Variants in MNAT1 observed in about 807,000 individuals in gnomAD.
The protein encoded by MNAT1 is CDK-activating kinase assembly factor MAT1.
In MNAT1, 43 loss-of-function variants were observed where a neutral mutation model predicts 42.0. The ratio of observed to expected loss-of-function variants is 1.02; its 90% CI spans 0.80 to 1.32. The LOEUF (loss-of-function observed/expected upper bound fraction) is 1.32, where lower values mean the gene tolerates loss of function less well. Among genes scored for constraint, MNAT1 ranks in the 40% most tolerant of loss-of-function variants. The probability of loss-of-function intolerance (pLI) is 0.00; values close to 1 mark genes in which losing one functional copy is unlikely to be tolerated. For missense variants in MNAT1, 306 were observed against 350.4 expected, an observed-to-expected ratio of 0.87 and a Z score of 1.01; for synonymous variants, 118 against 120.0, an observed-to-expected ratio of 0.98 and a Z score of 0.11.
intron 5 of MNAT1, among the ~76,000 whole-genome samples, chr14:60,815,197 C>A (rs1231269314): frequency 6.6e-6 from 1 of 151,482 alleles, no homozygotes; most frequent in Non-Finnish European, 1.5e-5. Flanking sequence ...CTTTGCATAA[C>A]AATTATTCTT....
intron 1 of MNAT1, among the ~76,000 whole-genome samples, chr14:60,746,298 G>A (rs576568942): frequency 3.5e-4 from 53 of 152,128 alleles, no homozygotes; most frequent in African/African-American, 1.2e-3. Context: ...GGTAGATTAC[G>A]AGGTCAGGAG....
intron 6 of MNAT1, among the ~76,000 whole-genome samples, chr14:60,864,943 A>G (rs368421282): frequency 5.9e-5 from 9 of 152,010 alleles, no homozygotes; most frequent in African/African-American, 2.2e-4. Context: ...GAATGGCAAA[A>G]CAACTACTCC....
chr14:60,965,354 C>T (rs781684541), intron 7 of MNAT1, among the ~76,000 whole-genome samples: 9 of 152,186 alleles, frequency 5.9e-5, no homozygotes, highest in Non-Finnish European at 7.3e-5. Context: ...AGGAGTATGA[C>T]TGTTTATAAC....
chr14:60,773,179 T>G (rs1410029337), intron 1 of MNAT1, among the ~76,000 whole-genome samples: 1 of 152,116 alleles, frequency 6.6e-6, no homozygotes, highest in African/African-American at 2.4e-5. Flanking sequence ...CCTCGTGACC[T>G]GCCCGCCTTT....
chr14:60,839,731 G>A (rs759389874), intron 6 of MNAT1, among the ~76,000 whole-genome samples: 2 of 152,218 alleles, frequency 1.3e-5, no homozygotes, highest in Non-Finnish European at 2.9e-5. Flanking sequence ...TTGTCCAGAC[G>A]TGGGTGCCTG....
At chr14:60,807,390 C>CT (rs1455712964) in intron 3 of MNAT1, among the ~76,000 whole-genome samples, 2 of 151,946 alleles carry the variant, frequency 1.3e-5, no homozygotes, top group African/African-American at 2.4e-5. Context: ...GTAGATCCGT[C>CT]TTGTTTGTAG....
intron 1 of MNAT1, among the ~76,000 whole-genome samples, chr14:60,737,384 C>CAT (rs1037115019): frequency 2.6e-5 from 4 of 151,664 alleles, no homozygotes; most frequent in Non-Finnish European, 4.4e-5. Context: ...ATAGCATAAA[C>CAT]ATATATATAT....
intron 6 of MNAT1, among the ~76,000 whole-genome samples, chr14:60,833,750 G>T (rs2033291822): frequency 6.6e-6 from 1 of 152,144 alleles, no homozygotes; most frequent in African/African-American, 2.4e-5. Flanking sequence ...AGGAGGAATG[G>T]TACCAGCTCC....
At chr14:60,889,599 A>T (rs1250660405) in intron 7 of MNAT1, among the ~76,000 whole-genome samples, 1 of 152,236 alleles carries the variant, frequency 6.6e-6, no homozygotes, top group Non-Finnish European at 1.5e-5. Context: ...AAATTGACAA[A>T]TGGGATCTAA....
chr14:60,821,799 A>G (rs1175227533), intron 6 of MNAT1, among the ~76,000 whole-genome samples: 2 of 152,046 alleles, frequency 1.3e-5, no homozygotes, highest in Non-Finnish European at 2.9e-5. Context: ...GCATAACTTT[A>G]TGTGTTCTTG....
intron 7 of MNAT1, among the ~76,000 whole-genome samples, chr14:60,883,519 T>C (rs2034595679): frequency 2.0e-5 from 3 of 152,026 alleles, no homozygotes; most frequent in Admixed American, 1.3e-4. Flanking sequence ...ATTCCTGAAG[T>C]TTTATATCTT....
chr14:60,816,665 G>C (rs957714840), intron 5 of MNAT1, among the ~76,000 whole-genome samples: 2 of 152,010 alleles, frequency 1.3e-5, no homozygotes, highest in Non-Finnish European at 2.9e-5. Flanking sequence ...GAAATAACTT[G>C]AAAGGCTAAA....
At chr14:60,762,687 C>T (rs10134967) in intron 1 of MNAT1, among the ~76,000 whole-genome samples, 6,755 of 110,012 alleles carry the variant, frequency 0.061, 543 homozygotes, top group African/African-American at 0.21. Context: ...TTCTGGGCAA[C>T]AGAGCGAGAC....
intron 6 of MNAT1, among the ~76,000 whole-genome samples, chr14:60,824,419 G>T (rs1340405919): frequency 6.6e-6 from 1 of 151,970 alleles, no homozygotes; most frequent in Non-Finnish European, 1.5e-5. Flanking sequence ...TGGCTATGTA[G>T]GTACTTAAAT....
chr14:60,957,001 A>G (rs182154711), intron 7 of MNAT1, among the ~76,000 whole-genome samples: 3 of 152,318 alleles, frequency 2.0e-5, no homozygotes, highest in Admixed American at 2.0e-4. Flanking sequence ...AATGATTGAT[A>G]GGTAAAGATT....
chr14:60,930,274 C>T (rs1332007445), intron 7 of MNAT1, among the ~76,000 whole-genome samples: 4 of 148,356 alleles, frequency 2.7e-5, no homozygotes, highest in African/African-American at 7.4e-5. Flanking sequence ...TCTAGATAAG[C>T]TTTTCTAAGT....
At chr14:60,879,689 T>C in intron 6 of MNAT1, 25 bp from the exon 7 acceptor site, 1 of 1,595,212 alleles carries the variant, frequency 6.3e-7, no homozygotes, top group South Asian at 1.1e-5. Flanking sequence ...ATAAGAGGTA[T>C]TAAGTTCCTT....
At chr14:60,898,794 C>A (rs1358910153) in intron 7 of MNAT1, among the ~76,000 whole-genome samples, 1 of 151,978 alleles carries the variant, frequency 6.6e-6, no homozygotes, top group Non-Finnish European at 1.5e-5. Context: ...GTTTTACTTA[C>A]CTATGCTTTT....
At chr14:60,807,225 T>TTTGATGG (rs2032399937) in intron 3 of MNAT1, among the ~76,000 whole-genome samples, 2 of 152,154 alleles carry the variant, frequency 1.3e-5, no homozygotes, top group Non-Finnish European at 1.5e-5. Flanking sequence ...ATCAAACTGG[T>TTTGATGG]CATTTGAGTC....
Sources: allele counts gnomAD v4.1 joint callset (sites outside exome capture counted in the v4.1 genomes callset), GRCh38; gene constraint gnomAD v4.1.1; transcripts MANE v1.5; gene names NCBI Gene and HGNC (gene_info 2026-07-23, HGNC 2026-07-21).